XIRP2: variants seen among roughly 807,000 people sequenced by gnomAD.
The protein encoded by XIRP2 is xin actin-binding repeat-containing protein 2.
A neutral mutation model predicts 277.0 loss-of-function variants in XIRP2; 236 were observed. The observed-to-expected ratio is 0.85, with a 90% CI of 0.77 to 0.95. The LOEUF is 0.95. XIRP2 is among the 40% of genes least tolerant of loss of function. XIRP2 has a pLI of 0.00. For synonymous variants in XIRP2, 1,490 were observed against 1,416.5 expected, an observed-to-expected ratio of 1.05 and a Z score of -1.17; for missense variants, 4,640 against 4,157.5, an observed-to-expected ratio of 1.12 and a Z score of -3.19.
chr2:167,056,191 G>A (rs1689031946), intron 2 of XIRP2, among the ~76,000 whole-genome samples: 1 of 152,090 alleles, frequency 6.6e-6, no homozygotes. Context: ...AGAAAATGAG[G>A]ACAGCATTTA....
chr2:166,948,238 T>C (rs1411792749), intron 2 of XIRP2, among the ~76,000 whole-genome samples: 4 of 152,120 alleles, frequency 2.6e-5, no homozygotes, highest in Admixed American at 2.0e-4. Flanking sequence ...GATATGTTAA[T>C]GTGGGTTCAT....
intron 5 of XIRP2, among the ~76,000 whole-genome samples, chr2:167,223,385 G>C (rs370939843): frequency 6.6e-6 from 1 of 152,078 alleles, no homozygotes; most frequent in African/African-American, 2.4e-5. Flanking sequence ...ACTCTGATGC[G>C]CTGAGTGACA....
intron 2 of XIRP2, among the ~76,000 whole-genome samples, chr2:167,076,600 T>C (rs1334451114): frequency 2.0e-5 from 3 of 152,184 alleles, no homozygotes; most frequent in Non-Finnish European, 2.9e-5. Flanking sequence ...AGTTATAAGC[T>C]TTAGAGACAT....
At chr2:167,095,915 C>T (rs1263682895) in intron 2 of XIRP2, among the ~76,000 whole-genome samples, 1 of 118,570 alleles carries the variant, frequency 8.4e-6, no homozygotes, top group Non-Finnish European at 1.6e-5. Context: ...GCTCTGTTGC[C>T]CAGGCTGGAG....
chr2:167,188,346 C>T lies in XIRP2; in HGVS notation c.563-22389C>T, dbSNP rs554392914. 1.4e-4 allele frequency among the ~76,000 whole-genome samples: 22 copies of T among 152,282 alleles called. No homozygotes were observed. The South Asian group carries it at 2.7e-3, about 19-fold the overall frequency. On this transcript the variant is annotated intron_variant, in intron 3 of 10. Coordinates refer to ENST00000409195, the MANE Select transcript of XIRP2 (RefSeq NM_152381.6). Reference sequence around the variant, plus strand: ...ATAACAGAATCTCTTAAGACACCAACTAAAAGCAAGGACACTTTAAGATTA... The same window carrying T: ...ATAACAGAATCTCTTAAGACACCAATTAAAAGCAAGGACACTTTAAGATTA...
Position 166,914,442 on chromosome 2 carries a change from G to A in XIRP2, c.408+10552G>A, listed in dbSNP as rs377384154. Among the ~76,000 whole-genome samples the A allele has an allele frequency of 3.0e-4, 45 of 152,082 alleles. 1 individual carries two copies. Among genetic ancestry groups the A allele is most frequent in the African/African-American group, 9.4e-4 (39 of 41,404 alleles). ...TGCAAGCTCTGCCTCCCAGGTTTAC[G>A]CCATTCTCCTGTCTCAGCCTCCCGA... On this transcript the variant is annotated intron_variant, in intron 2 of 10. Coordinates refer to ENST00000409195, the MANE Select transcript of XIRP2 (RefSeq NM_152381.6).
chr2:167,217,297 A>AG (rs1297495241), intron 4 of XIRP2, among the ~76,000 whole-genome samples: 3 of 150,516 alleles, frequency 2.0e-5, no homozygotes, highest in Admixed American at 6.6e-5. Flanking sequence ...AAAAAAAAAG[A>AG]AAAAAAAATT....
At chr2:167,188,386 T>G (rs1057208440) in intron 3 of XIRP2, among the ~76,000 whole-genome samples, 2 of 152,196 alleles carry the variant, frequency 1.3e-5, no homozygotes, top group Non-Finnish European at 2.9e-5. Context: ...ATACAGGGTT[T>G]AAATTTAGCC....
intron 2 of XIRP2, among the ~76,000 whole-genome samples, chr2:167,099,558 GA>G (rs111880499): frequency 0.26 from 39,566 of 151,582 alleles, 7,691 homozygotes; most frequent in African/African-American, 0.55. Flanking sequence ...ACTGGGGTAT[GA>G]AAAAAAACCA....
At chr2:167,198,270 G>A (rs1280273370) in intron 3 of XIRP2, among the ~76,000 whole-genome samples, 1 of 152,080 alleles carries the variant, frequency 6.6e-6, no homozygotes, top group Non-Finnish European at 1.5e-5. Context: ...AGGGTATTTG[G>A]GTCATGTTAC....
At chr2:166,985,818 C>A (rs555685378) in intron 2 of XIRP2, among the ~76,000 whole-genome samples, 1 of 151,788 alleles carries the variant, frequency 6.6e-6, no homozygotes, top group Non-Finnish European at 1.5e-5. Flanking sequence ...GAAAAAAAAA[C>A]CCATAATAAC....
chr2:167,161,925 T>C (rs1021143590), intron 3 of XIRP2, among the ~76,000 whole-genome samples: 1 of 152,208 alleles, frequency 6.6e-6, no homozygotes, highest in Non-Finnish European at 1.5e-5. Context: ...ACCTCTTGAA[T>C]GGTTTGCTGC....
At chr2:167,038,924 AT>A (rs886425911) in intron 2 of XIRP2, among the ~76,000 whole-genome samples, 11 of 152,158 alleles carry the variant, frequency 7.2e-5, no homozygotes, top group Admixed American at 3.9e-4. Flanking sequence ...AACAAAAAAA[AT>A]CTACTAATTT....
chr2:167,037,518 GGTGTGTGTGTGT>G (rs59857626), intron 2 of XIRP2, among the ~76,000 whole-genome samples: 3 of 126,382 alleles, frequency 2.4e-5, no homozygotes, highest in South Asian at 2.4e-4. Context: ...TCATGTGGGG[GGTGTGTGTGTGT>G]GTGTGTGTGT....
rs186447346 is a variant in XIRP2 at position 167,210,022 on chromosome 2, A to G, written c.563-713A>G. On this transcript the variant is annotated intron_variant, in intron 3 of 10. Transcript: ENST00000409195. The stretch of plus-strand genomic sequence containing the variant: ...TTCCTCCTACCCTGCCTTTTTGCCA[A>G]GTAGATGGCTTCATGGGTAAATATC... 2.1e-3 allele frequency among the ~76,000 whole-genome samples: 319 copies of G among 152,094 alleles called. 1 individual carries two copies. Among genetic ancestry groups the G allele is most frequent in the Non-Finnish European group, 3.5e-3 (235 of 67,958 alleles).
At chr2:167,032,937 A>G (rs1688407338) in intron 2 of XIRP2, among the ~76,000 whole-genome samples, 1 of 152,058 alleles carries the variant, frequency 6.6e-6, no homozygotes, top group South Asian at 2.1e-4. Context: ...AGCAATCCCA[A>G]TACTGGATAT....
chr2:167,091,515 A>G (rs942542042), intron 2 of XIRP2, among the ~76,000 whole-genome samples: 1 of 152,126 alleles, frequency 6.6e-6, no homozygotes, highest in African/African-American at 2.4e-5. Context: ...TTCTCCCTCT[A>G]TAATTTCCAT....
chr2:167,084,423 C>A (rs1422173866), intron 2 of XIRP2, among the ~76,000 whole-genome samples: 9 of 150,872 alleles, frequency 6.0e-5, no homozygotes, highest in Non-Finnish European at 1.2e-4. Context: ...GTGTCTCTGC[C>A]CGGCTTTGGT....
intron 2 of XIRP2, among the ~76,000 whole-genome samples, chr2:167,062,875 G>A (rs949547394): frequency 6.6e-6 from 1 of 151,626 alleles, no homozygotes; most frequent in African/African-American, 2.4e-5. Context: ...TAATTTCACT[G>A]ATCTTTTCAA....
Sources: gnomAD v4.1 joint callset for allele counts (sites outside exome capture counted in the v4.1 genomes callset) on GRCh38, gnomAD v4.1.1 for gene constraint, MANE v1.5 for transcripts, NCBI Gene and HGNC (gene_info 2026-07-23, HGNC 2026-07-21) for gene names.